The following MYO6 variants were observed in gnomAD, a reference collection of about 807,000 sequenced individuals.
MYO6 encodes myosin VI.
Under a neutral mutation model 178.7 loss-of-function variants are expected in MYO6, and 74 were observed. The ratio of observed to expected loss-of-function variants is 0.41; its 90% CI spans 0.34 to 0.50. MYO6 has a LOEUF of 0.50. MYO6 is among the 20% of genes least tolerant of loss of function. The probability of loss-of-function intolerance (pLI) is 0.09; values close to 1 mark genes in which losing one functional copy is unlikely to be tolerated. For missense variants in MYO6, 1,330 were observed against 1,547.4 expected, an observed-to-expected ratio of 0.86 and a Z score of 2.36; for synonymous variants, 477 against 504.6, an observed-to-expected ratio of 0.95 and a Z score of 0.73.
intron 1 of MYO6, among the ~76,000 whole-genome samples, chr6:75,771,807 C>A (rs1765922456): frequency 6.6e-6 from 1 of 152,058 alleles, no homozygotes; most frequent in South Asian, 2.1e-4. Flanking sequence ...TTTCAAAGAT[C>A]CCCAGGTAGT....
intron 16 of MYO6, among the ~76,000 whole-genome samples, chr6:75,866,177 T>G (rs1182465639): frequency 6.6e-6 from 1 of 152,166 alleles, no homozygotes; most frequent in Non-Finnish European, 1.5e-5. Flanking sequence ...CAACTGGGTT[T>G]TGCATGTGCT....
intron 26 of MYO6, 34 bp downstream of exon 26, chr6:75,890,299 TAAAG>T (rs1213478197): frequency 1.2e-6 from 2 of 1,612,220 alleles, no homozygotes; most frequent in Non-Finnish European, 1.7e-6. Flanking sequence ...ATAAGAGACT[TAAAG>T]AAATAGTGAA....
At chr6:75,781,215 C>T (rs1766945956) in intron 1 of MYO6, among the ~76,000 whole-genome samples, 1 of 152,112 alleles carries the variant, frequency 6.6e-6, no homozygotes, top group African/African-American at 2.4e-5. Context: ...GAGAGACTAA[C>T]ACTATGTAAA....
Position 75,881,727 on chromosome 6 carries a change from C to T in MYO6, c.2325C>T (p.Asp775=), listed in dbSNP as rs1224870698. The change falls in exon 23 of 35, where the codon GAC becomes GAT. Residue 775 remains aspartate, a synonymous_variant. Transcript: ENST00000369977. ...EFDQIMKSDP[D]HLAELVKRVN... ...ATCAGATCATGAAGTCTGACCCTGA[C>T]CACTTAGCAGAGTTGGTTAAAAGAG... 3.7e-6 allele frequency: 6 copies of T among 1,613,866 alleles called. No individual in the cohort carries two copies. Among genetic ancestry groups the T allele is most frequent in the Admixed American group, 1.7e-5 (1 of 59,998 alleles).
intron 1 of MYO6, among the ~76,000 whole-genome samples, chr6:75,759,257 C>T (rs1777744112): frequency 6.6e-6 from 1 of 152,122 alleles, no homozygotes; most frequent in African/African-American, 2.4e-5. Context: ...AATAATCAGA[C>T]TTGGCATTGT....
intron 1 of MYO6, among the ~76,000 whole-genome samples, chr6:75,771,763 C>G (rs1765915909): frequency 6.6e-6 from 1 of 152,096 alleles, no homozygotes. Flanking sequence ...ACCATTAAGT[C>G]CCATATCTTG....
At chr6:75,774,065 A>G (rs1766139301) in intron 1 of MYO6, among the ~76,000 whole-genome samples, 2 of 152,208 alleles carry the variant, frequency 1.3e-5, no homozygotes, top group African/African-American at 4.8e-5. Context: ...CAAGAAGAGT[A>G]ATTATCATAA....
rs1253572354 is a variant in MYO6 at position 75,908,630 on chromosome 6, A to G, written c.3412+3A>G. On this transcript the variant is annotated splice_donor_region_variant and intron_variant, in intron 32 of 34. Transcript: ENST00000369977. ...TCCAAAGTCTGTTACTGATTATGGT[A>G]AAGAGAAATCTGTACTTTTGAACGT... 1 of 1,613,254 alleles carries G rather than the reference A, an allele frequency of 6.2e-7. No homozygotes were observed. Among genetic ancestry groups the G allele is most frequent in the East Asian group, 2.2e-5 (1 of 44,758 alleles).
rs376613843 is a variant in MYO6, at chr6:75,830,424, C to T, written c.270C>T (p.Val90=). The T allele has an allele frequency of 1.4e-5, 23 of 1,610,532 alleles. No homozygotes were observed. Among genetic ancestry groups the T allele is most frequent in the Admixed American group, 3.3e-5 (2 of 59,970 alleles). Residue 90 remains valine, a synonymous_variant, in exon 5 of 35, where the codon GTC becomes GTT. Coordinates refer to ENST00000369977, the MANE Select transcript of MYO6 (RefSeq NM_004999.4). ...ATGCTTTTCGTATTTAGACATATGT[C>T]GCCAACATTCTGATTGCAGTGAATC... The part of the protein sequence containing the change: ...RYSKDRIYTY[V]ANILIAVNPY...
chr6:75,811,583 C>A (rs772547487), intron 1 of MYO6, among the ~76,000 whole-genome samples: 2 of 152,090 alleles, frequency 1.3e-5, no homozygotes, highest in Non-Finnish European at 2.9e-5. Flanking sequence ...GTTTAATTTG[C>A]CATTCTTTTT....
intron 1 of MYO6, among the ~76,000 whole-genome samples, chr6:75,756,962 T>A (rs1777433266): frequency 6.1e-5 from 2 of 32,912 alleles, no homozygotes; most frequent in South Asian, 1.0e-3. Context: ...TATATATGTA[T>A]ACACACATAT....
In MYO6 at chr6:75,756,893, G is replaced by GTATA. The variant is rs371732070; in HGVS notation, c.-48+7485_-48+7488dup. 1.4e-3 allele frequency among the ~76,000 whole-genome samples: 111 copies of GTATA among 79,760 alleles called. 5 individuals are homozygous for GTATA. The highest frequency in any genetic ancestry group is 3.2e-3 in the African/African-American group (97 of 30,584). The allele number at this position is 79,760 out of a possible 152,430, so 52.3% of individuals were successfully genotyped here. ...AAGAGTACTTATGTGTGTTGTGTGT[G>GTATA]TATATATATATATATATACACATAT... On this transcript the variant is annotated intron_variant, in intron 1 of 34. Coordinates refer to ENST00000369977, the MANE Select transcript of MYO6 (RefSeq NM_004999.4).
intron 22 of MYO6, 32 bp downstream of exon 22, chr6:75,880,152 C>A: frequency 1.4e-6 from 2 of 1,473,334 alleles, no homozygotes; most frequent in Non-Finnish European, 1.9e-6. Context: ...TAAACTGTAA[C>A]ATCATGAAAA....
chr6:75,838,912 G>A (rs984452170), intron 7 of MYO6, among the ~76,000 whole-genome samples: 6 of 151,758 alleles, frequency 4.0e-5, no homozygotes, highest in Middle Eastern at 3.4e-3. Context: ...CGCCCACCTC[G>A]GCCTCCCAAA....
chr6:75,835,999 T>C (rs757927383), intron 7 of MYO6, 43 bp downstream of exon 7: 8 of 1,310,454 alleles, frequency 6.1e-6, no homozygotes, highest in Non-Finnish European at 8.9e-6. Context: ...CTGAAATTAA[T>C]TTACAAGACT....
At chr6:75,876,691 A>G (rs1178097530) in intron 20 of MYO6, among the ~76,000 whole-genome samples, 3 of 152,204 alleles carry the variant, frequency 2.0e-5, no homozygotes, top group African/African-American at 7.2e-5. Flanking sequence ...GTATATTTCA[A>G]CATCTTAAGA....
chr6:75,858,995 T>C lies in MYO6; in HGVS notation c.1473+2T>C. On this transcript the variant is annotated splice_donor_variant, in intron 14 of 34. Coordinates refer to ENST00000369977, the MANE Select transcript of MYO6 (RefSeq NM_004999.4). LOFTEE classifies it high-confidence loss of function. ...TTTAATGAAAGGATTCTGAAGGAGG[T>C]AATTGCCATTATAAGTTTAATTTAA... The C allele has an allele frequency of 6.5e-7, 1 of 1,544,642 alleles. No individual in the cohort carries two copies.
At chr6:75,784,402 A>G (rs1767299637) in intron 1 of MYO6, among the ~76,000 whole-genome samples, 1 of 152,116 alleles carries the variant, frequency 6.6e-6, no homozygotes, top group Non-Finnish European at 1.5e-5. Context: ...GTTGAAAGCC[A>G]GAATTAGGAG....
chr6:75,800,335 C>T (rs561252973), intron 1 of MYO6, among the ~76,000 whole-genome samples: 2 of 152,154 alleles, frequency 1.3e-5, no homozygotes, highest in East Asian at 1.9e-4. Flanking sequence ...TGGGAGCTGC[C>T]GAGAAGTACA....
Sources: allele counts gnomAD v4.1 joint callset (sites outside exome capture counted in the v4.1 genomes callset), GRCh38; gene constraint gnomAD v4.1.1; transcripts MANE v1.5; gene names NCBI Gene and HGNC (gene_info 2026-07-23, HGNC 2026-07-21).